Variants in KCNQ2 observed in about 807,000 individuals in gnomAD.
KCNQ2 encodes the protein potassium voltage-gated channel subfamily Q member 2.
Under a neutral mutation model 84.8 loss-of-function variants are expected in KCNQ2, and 14 were observed. The observed-to-expected ratio is 0.17, with a 90% CI of 0.11 to 0.26. The LOEUF is 0.26. Among genes scored for constraint, KCNQ2 ranks in the 10% least tolerant of loss-of-function variants. The probability of loss-of-function intolerance (pLI) is 1.00; values close to 1 mark genes in which losing one functional copy is unlikely to be tolerated. For synonymous variants in KCNQ2, 599 were observed against 554.1 expected (o/e 1.08, Z -1.14); for missense variants, 788 against 1,254.0 (o/e 0.63, Z 5.61).
At chr20:63,452,625 CG>C (rs1302704150) in intron 1 of KCNQ2, among the ~76,000 whole-genome samples, 1 of 152,242 alleles carries the variant, frequency 6.6e-6, no homozygotes, top group African/African-American at 2.4e-5. Context: ...ACAGGGGCCT[CG>C]GCCAGAGGCC....
At chr20:63,461,729 C>A (rs1254162076) in intron 1 of KCNQ2, among the ~76,000 whole-genome samples, 1 of 104,954 alleles carries the variant, frequency 9.5e-6, no homozygotes, top group African/African-American at 3.8e-5. Context: ...GGGCAGCAGG[C>A]AGGAGGCTGC....
At chr20:63,468,867 AC>A (rs939015176) in intron 1 of KCNQ2, among the ~76,000 whole-genome samples, 3 of 151,742 alleles carry the variant, frequency 2.0e-5, no homozygotes, top group East Asian at 1.9e-4. Context: ...TCAGGCTGGG[AC>A]CCCCCCTTTC....
Position 63,406,512 on chromosome 20 carries a change from C to T in KCNQ2, c.*132G>A, listed in dbSNP as rs2079937449. 1 of 1,128,260 alleles carries T rather than the reference C, an allele frequency of 8.9e-7. No homozygotes were observed. The highest frequency in any genetic ancestry group is 1.2e-6 in the Non-Finnish European group (1 of 820,654). 69.9% of individuals were successfully genotyped at this position (1,128,260 alleles called of 1,614,324 possible). ...GCCCCCATCCTTCAGCCCACATGGG[C>T]CCCTCCAGGGCCCACCCTTCCCGCC... On this transcript the variant is annotated 3_prime_UTR_variant, in exon 17 of 17. Coordinates refer to ENST00000359125, the MANE Select transcript of KCNQ2 (RefSeq NM_172107.4).
At chr20:63,463,125 G>A (rs891330231) in intron 1 of KCNQ2, among the ~76,000 whole-genome samples, 4 of 151,784 alleles carry the variant, frequency 2.6e-5, no homozygotes, top group African/African-American at 4.8e-5. Context: ...TGGAAGAACG[G>A]GTAAGAAGGG....
Position 63,444,728 on chromosome 20 carries a change from C to A in KCNQ2, c.621G>T (p.Arg207=). 6.2e-7 allele frequency: 1 copy of A among 1,603,750 alleles called. No homozygotes were observed. The highest frequency in any genetic ancestry group is 8.5e-7 in the Non-Finnish European group (1 of 1,176,162). ...CTCCCCGCCGGTCCATGCGGATCAT[C>A]CGCAGAATCTGCAGGAAGCGCAGGC... ...LRSLRFLQIL[R]MIRMDRRGGT... is the part of the protein sequence containing the mutation. The change falls in exon 4 of 17, where the codon CGG becomes CGT. Residue 207 remains arginine, a synonymous_variant. Transcript: ENST00000359125.
intron 12 of KCNQ2, among the ~76,000 whole-genome samples, chr20:63,418,110 G>C (rs2080352594): frequency 1.3e-5 from 2 of 152,184 alleles, no homozygotes; most frequent in South Asian, 4.1e-4. Flanking sequence ...GCTCCATGCT[G>C]CAGACACCCG....
Position 63,445,390 on chromosome 20 carries a change from C to A in KCNQ2, c.388-26G>T, listed in dbSNP as rs6062939. The A allele has an allele frequency of 0.25, 404,396 of 1,611,368 alleles. 54,487 individuals carry two copies. The highest frequency in any genetic ancestry group is 0.28 in the Non-Finnish European group (334,669 of 1,178,308). ...CTGCAGGGGAGGAAAGCTGAGGCCA[C>A]CTTGAGGCCTGGGGGAGGGCCTGGG... is the stretch of plus-strand genomic sequence containing the variant. On this transcript the variant is annotated intron_variant, in intron 2 of 16. Coordinates refer to ENST00000359125, the MANE Select transcript of KCNQ2 (RefSeq NM_172107.4).
chr20:63,431,248 C>T, intron 9 of KCNQ2, 92 bp downstream of exon 9: 1 of 1,450,486 alleles, frequency 6.9e-7, no homozygotes, highest in Non-Finnish European at 9.7e-7. Context: ...ACCGGGTGGG[C>T]CACGGGGCTC....
intron 15 of KCNQ2, chr20:63,411,764 G>T: frequency 1.7e-6 from 1 of 599,636 alleles, no homozygotes; most frequent in Non-Finnish European, 3.0e-6. Flanking sequence ...GAGAGGCGCT[G>T]GCATCCTAAC....
chr20:63,447,133 G>C (rs973318873), intron 1 of KCNQ2, among the ~76,000 whole-genome samples: 1 of 151,674 alleles, frequency 6.6e-6, no homozygotes, highest in Non-Finnish European at 1.5e-5. Flanking sequence ...TGCCCCTTCT[G>C]TCTGGTTTCA....
intron 1 of KCNQ2, among the ~76,000 whole-genome samples, chr20:63,450,243 C>T (rs546903857): frequency 2.0e-5 from 3 of 151,470 alleles, no homozygotes; most frequent in Admixed American, 6.6e-5. Context: ...GGGACCTAGA[C>T]GAAACCCTGG....
intron 8 of KCNQ2, among the ~76,000 whole-genome samples, chr20:63,432,621 TCCACC>T (rs2080851143): frequency 9.6e-6 from 1 of 104,344 alleles, no homozygotes; most frequent in South Asian, 3.3e-4. Context: ...CAGGGAAGGC[TCCACC>T]CTCTGGGAAG....
chr20:63,449,499 G>A (rs1025555258), intron 1 of KCNQ2, among the ~76,000 whole-genome samples: 3 of 152,244 alleles, frequency 2.0e-5, no homozygotes, highest in Non-Finnish European at 4.4e-5. Context: ...TATTTAGTGA[G>A]CACAGGTCAG....
intron 15 of KCNQ2, chr20:63,412,155 G>A: frequency 2.3e-6 from 1 of 426,620 alleles, no homozygotes; most frequent in South Asian, 2.7e-5. Flanking sequence ...GGAGTGCAGG[G>A]GAGGTGCCCG....
Position 63,438,460 on chromosome 20 carries a change from C to T in KCNQ2, c.1023+165G>A, listed in dbSNP as rs2081067281. The T allele has an allele frequency of 2.9e-6, 2 of 689,942 alleles. No homozygotes were observed. Among genetic ancestry groups the T allele is most frequent in the African/African-American group, 1.7e-5 (1 of 57,232 alleles). The allele number at this position is 689,942 out of a possible 1,614,324, so 42.7% of individuals were successfully genotyped here. ...CTCAGGGGTTGGAGCCATTTCTCAACACACACACTTCACATCCTCGCTCCT... is the reference window on the plus strand; with the variant it reads ...CTCAGGGGTTGGAGCCATTTCTCAATACACACACTTCACATCCTCGCTCCT... On this transcript the variant is annotated intron_variant, in intron 7 of 16. Transcript: ENST00000359125. The surrounding 1 kb of genome is among the most constrained non-coding windows in gnomAD (Gnocchi z 5.1).
rs1801545 is a variant in KCNQ2, at chr20:63,414,925, G to A, written c.1503C>T (p.Ala501=). The change falls in exon 13 of 17, where the codon GCC becomes GCT. Residue 501 remains alanine, a synonymous_variant. Coordinates refer to ENST00000359125, the MANE Select transcript of KCNQ2 (RefSeq NM_172107.4). The surrounding 1 kb of genome is among the most constrained non-coding windows in gnomAD (Gnocchi z 6.6). ...CACCTTCTGAGTTCTGCCGTGACGC[G>A]GCACCCTTGATGCGGAAAGCCTGGC... ...RARQAFRIKG[A]ASRQNSEEAS... The A allele has an allele frequency of 8.8e-5, 142 of 1,612,552 alleles. No individual in the cohort carries two copies. Among genetic ancestry groups the A allele is most frequent in the Middle Eastern group, 1.7e-4 (1 of 5,998 alleles).
At position 63,414,453 on chromosome 20, in the gene KCNQ2, A is replaced by G. The variant is rs2080223352; in HGVS notation, c.1526-260T>C. On this transcript the variant is annotated intron_variant, in intron 13 of 16. Coordinates refer to ENST00000359125, the MANE Select transcript of KCNQ2 (RefSeq NM_172107.4). The surrounding 1 kb of genome is among the most constrained non-coding windows in gnomAD (Gnocchi z 6.6). ...AGGACATTCTGGCCAATGGATGAAC[A>G]GAACATGGCGCATCCACGCACAGAT... Among the ~76,000 whole-genome samples the G allele has an allele frequency of 6.6e-6, 1 of 152,158 alleles. No individual in the cohort carries two copies. The highest frequency in any genetic ancestry group is 2.4e-5 in the African/African-American group (1 of 41,450).
At chr20:63,448,884 G>A (rs769238937) in intron 1 of KCNQ2, among the ~76,000 whole-genome samples, 9 of 152,098 alleles carry the variant, frequency 5.9e-5, no homozygotes, top group Non-Finnish European at 1.0e-4. Flanking sequence ...TTGGAGCTTC[G>A]GAGCATCACA....
chr20:63,443,759 C>CA (rs2081336194), intron 4 of KCNQ2: 1 of 152,286 alleles, frequency 6.6e-6, no homozygotes, highest in South Asian at 2.1e-4. Flanking sequence ...AGGGCTGGCA[C>CA]AGGGGAACCA....
Sources: gnomAD v4.1 joint callset for allele counts (sites outside exome capture counted in the v4.1 genomes callset) on GRCh38, gnomAD v4.1.1 for gene constraint, Gnocchi (gnomAD v3.1) non-coding constraint, MANE v1.5 for transcripts, NCBI Gene and HGNC (gene_info 2026-07-23, HGNC 2026-07-21) for gene names.